CREBBP: variants seen among roughly 807,000 people sequenced by gnomAD.
CREBBP encodes CREB binding lysine acetyltransferase.
Under a neutral mutation model 265.0 loss-of-function variants are expected in CREBBP, and 19 were observed. The ratio of observed to expected loss-of-function variants is 0.07; its 90% CI spans 0.05 to 0.11. The LOEUF (loss-of-function observed/expected upper bound fraction) is 0.11. Among genes scored for constraint, CREBBP ranks in the 10% least tolerant of loss-of-function variants. The probability of loss-of-function intolerance (pLI) is 1.00; values close to 1 mark genes in which losing one functional copy is unlikely to be tolerated. For missense variants in CREBBP, 2,525 were observed against 3,219.0 expected, an observed-to-expected ratio of 0.78 and a Z score of 5.22; for synonymous variants, 1,457 against 1,223.7, an observed-to-expected ratio of 1.19 and a Z score of -3.98.
chr16:3,727,625 G>A lies in CREBBP; in HGVS notation c.*93C>T. The A allele has an allele frequency of 6.2e-7, 1 of 1,608,224 alleles. No individual in the cohort carries two copies. Among genetic ancestry groups the A allele is most frequent in the African/African-American group, 1.3e-5 (1 of 74,682 alleles). On this transcript the variant is annotated 3_prime_UTR_variant, in exon 31 of 31. Transcript: ENST00000262367. The stretch of plus-strand genomic sequence containing the variant: ...ACCCTTCCATGGCTCGGAAGTCGCA[G>A]TTCCATCTAGGAATAAAAAGAACCT...
At chr16:3,754,153 G>A (rs2052536654) in intron 19 of CREBBP, among the ~76,000 whole-genome samples, 1 of 152,160 alleles carries the variant, frequency 6.6e-6, no homozygotes, top group Non-Finnish European at 1.5e-5. Flanking sequence ...CTCCTTGTCT[G>A]CCTCAAAACT....
intron 3 of CREBBP, among the ~76,000 whole-genome samples, chr16:3,800,526 A>G (rs535885190): frequency 6.6e-6 from 1 of 152,166 alleles, no homozygotes; most frequent in East Asian, 1.9e-4. Context: ...AAATTAACAT[A>G]TATGTGCCTT....
intron 2 of CREBBP, among the ~76,000 whole-genome samples, chr16:3,833,534 C>T (rs1430165116): frequency 2.6e-5 from 4 of 152,156 alleles, no homozygotes; most frequent in Non-Finnish European, 5.9e-5. Context: ...TTTTTATTCT[C>T]AGACAACATG....
intron 19 of CREBBP, among the ~76,000 whole-genome samples, chr16:3,754,967 G>A (rs553936871): frequency 2.0e-5 from 3 of 152,318 alleles, no homozygotes; most frequent in Non-Finnish European, 2.9e-5. Flanking sequence ...TTCTCAGGAT[G>A]ATAATATGCT....
At chr16:3,802,761 C>G (rs2053743783) in intron 3 of CREBBP, among the ~76,000 whole-genome samples, 1 of 152,154 alleles carries the variant, frequency 6.6e-6, no homozygotes, top group Non-Finnish European at 1.5e-5. Flanking sequence ...CGGATCCACA[C>G]CAGGCTGGGA....
intron 1 of CREBBP, among the ~76,000 whole-genome samples, chr16:3,857,283 A>G (rs2054983702): frequency 6.6e-6 from 1 of 152,094 alleles, no homozygotes; most frequent in Non-Finnish European, 1.5e-5. Flanking sequence ...GTCCAAATAC[A>G]TATACCAGCT....
chr16:3,791,797 G>A (rs1016446020), intron 5 of CREBBP, among the ~76,000 whole-genome samples, 184 bp downstream of exon 5: 2 of 152,178 alleles, frequency 1.3e-5, no homozygotes, highest in Admixed American at 6.5e-5. Context: ...TATCACAGCC[G>A]TTCCTGACAC....
intron 1 of CREBBP, among the ~76,000 whole-genome samples, chr16:3,867,917 C>A (rs1407683633): frequency 6.6e-6 from 1 of 152,096 alleles, no homozygotes; most frequent in East Asian, 1.9e-4. Context: ...CAGAGTGAGA[C>A]CCTGTCTCAA....
chr16:3,783,643 G>T (rs1038426969), intron 5 of CREBBP, among the ~76,000 whole-genome samples: 1 of 152,176 alleles, frequency 6.6e-6, no homozygotes, highest in Non-Finnish European at 1.5e-5. Context: ...GTGAGGCTTC[G>T]CAATTCTGCA....
chr16:3,866,310 A>G (rs2141565413), intron 1 of CREBBP, among the ~76,000 whole-genome samples: 1 of 152,316 alleles, frequency 6.6e-6, no homozygotes, highest in South Asian at 2.1e-4. Flanking sequence ...TAGCAAATCA[A>G]TGAAGAAACC....
chr16:3,773,451 TA>T (rs2053062420), intron 13 of CREBBP, among the ~76,000 whole-genome samples: 1 of 152,064 alleles, frequency 6.6e-6, no homozygotes, highest in Admixed American at 6.6e-5. Flanking sequence ...GAATTTAAAA[TA>T]CACAAACAAA....
chr16:3,851,288 CAAAAAAAAAAAAAAAATTAAAAAAAAA>C (rs1157991850), intron 1 of CREBBP, among the ~76,000 whole-genome samples: 6 of 22,866 alleles, frequency 2.6e-4, no homozygotes, highest in Non-Finnish European at 4.6e-4. Context: ...AACACCGTCT[CAAAAAAAAAAAAAAAATTAAAAAAAAA>C]AAAAAAAAAA....
chr16:3,829,084 A>AC (rs1567344512), intron 2 of CREBBP, among the ~76,000 whole-genome samples: 2 of 152,230 alleles, frequency 1.3e-5, no homozygotes, highest in African/African-American at 4.8e-5. Flanking sequence ...ATGGTAATCA[A>AC]CATAAAAACC....
intron 3 of CREBBP, among the ~76,000 whole-genome samples, chr16:3,801,491 A>T (rs530346843): frequency 5.6e-4 from 85 of 152,306 alleles, no homozygotes; most frequent in African/African-American, 2.0e-3. Flanking sequence ...TAACATGGTG[A>T]AACCCCATTT....
intron 2 of CREBBP, among the ~76,000 whole-genome samples, chr16:3,815,568 A>G (rs1162661552): frequency 7.9e-6 from 1 of 126,394 alleles, no homozygotes; most frequent in Non-Finnish European, 1.7e-5. Context: ...TTTTTTTTGT[A>G]AAGCTGGCTT....
chr16:3,863,333 T>C (rs2055114136), intron 1 of CREBBP, among the ~76,000 whole-genome samples: 2 of 152,200 alleles, frequency 1.3e-5, no homozygotes, highest in African/African-American at 4.8e-5. Flanking sequence ...CCAGGCACAG[T>C]AGCTCATGCC....
At chr16:3,736,311 T>C (rs578038422) in intron 27 of CREBBP, 108 bp from the exon 28 acceptor site, 2 of 1,165,392 alleles carry the variant, frequency 1.7e-6, no homozygotes, top group Middle Eastern at 2.3e-4. Flanking sequence ...TGTGGCAGAG[T>C]CCCATGCATG....
intron 1 of CREBBP, among the ~76,000 whole-genome samples, chr16:3,877,563 T>C (rs563678762): frequency 6.6e-6 from 1 of 152,358 alleles, no homozygotes; most frequent in Admixed American, 6.5e-5. Context: ...TCACCATGCC[T>C]GGCTATGTTT....
intron 23 of CREBBP, chr16:3,741,561 T>G (rs984997220): frequency 6.6e-6 from 1 of 151,376 alleles, no homozygotes; most frequent in African/African-American, 2.4e-5. Context: ...TCCCAGCACT[T>G]TGGGAGGCCG....
Sources: gnomAD v4.1 joint callset for allele counts (sites outside exome capture counted in the v4.1 genomes callset) on GRCh38, gnomAD v4.1.1 for gene constraint, MANE v1.5 for transcripts, NCBI Gene and HGNC (gene_info 2026-07-23, HGNC 2026-07-21) for gene names.